LRRC4C: variants seen among roughly 807,000 people sequenced by gnomAD.
LRRC4C encodes leucine-rich repeat-containing protein 4C.
LRRC4C carries 5 observed loss-of-function variants against 33.6 expected under a neutral mutation model. That is an observed-to-expected ratio of 0.15 (90% CI 0.08 to 0.31). The LOEUF (loss-of-function observed/expected upper bound fraction) is 0.31, where lower values mean the gene tolerates loss of function less well. LRRC4C is among the 10% of genes least tolerant of loss of function. The probability of loss-of-function intolerance (pLI) is 1.00; values close to 1 mark genes in which losing one functional copy is unlikely to be tolerated. For missense variants in LRRC4C, 560 were observed against 796.7 expected (o/e 0.70, Z 3.58); for synonymous variants, 329 against 302.0 (o/e 1.09, Z -0.93).
intron 2 of LRRC4C, among the ~76,000 whole-genome samples, chr11:40,753,251 A>C (rs1948786365): frequency 6.6e-6 from 1 of 152,056 alleles, no homozygotes; most frequent in Non-Finnish European, 1.5e-5. Flanking sequence ...GACTACAGTT[A>C]GCAATAATAT....
At chr11:40,441,397 T>G (rs1287703169) in intron 3 of LRRC4C, among the ~76,000 whole-genome samples, 1 of 152,160 alleles carries the variant, frequency 6.6e-6, no homozygotes, top group African/African-American at 2.4e-5. Flanking sequence ...AACAACAGTA[T>G]GATTTCTGGT....
At chr11:40,661,905 C>T (rs562710636) in intron 2 of LRRC4C, among the ~76,000 whole-genome samples, 13 of 152,006 alleles carry the variant, frequency 8.6e-5, no homozygotes, top group South Asian at 4.1e-4. Flanking sequence ...TCAGAACATC[C>T]GCAGAGAGAA....
chr11:41,195,643 A>T (rs965890695), intron 1 of LRRC4C, among the ~76,000 whole-genome samples: 3 of 152,102 alleles, frequency 2.0e-5, no homozygotes, highest in Non-Finnish European at 4.4e-5. Flanking sequence ...TTATATTCCC[A>T]TGAAAGCAGA....
At chr11:40,572,038 C>T (rs1958002176) in intron 3 of LRRC4C, among the ~76,000 whole-genome samples, 1 of 152,124 alleles carries the variant, frequency 6.6e-6, no homozygotes, top group Non-Finnish European at 1.5e-5. Context: ...CCTTATAGTC[C>T]ACCACTCCAT....
chr11:40,163,009 T>A (rs1859286475), intron 5 of LRRC4C, among the ~76,000 whole-genome samples: 1 of 152,154 alleles, frequency 6.6e-6, no homozygotes, highest in Non-Finnish European at 1.5e-5. Context: ...TTTTGTCTCT[T>A]ATCTTCTATT....
At chr11:40,525,447 A>G (rs1322562617) in intron 3 of LRRC4C, among the ~76,000 whole-genome samples, 1 of 152,158 alleles carries the variant, frequency 6.6e-6, no homozygotes, top group Non-Finnish European at 1.5e-5. Context: ...CTTTGTCTCA[A>G]AGAAAAAAGA....
chr11:40,675,951 A>G (rs1591437729), intron 2 of LRRC4C, among the ~76,000 whole-genome samples: 1 of 152,304 alleles, frequency 6.6e-6, no homozygotes, highest in Middle Eastern at 3.4e-3. Context: ...TATAGTAACT[A>G]TGGTCTTAGG....
chr11:41,077,581 A>C (rs1939248429), intron 1 of LRRC4C, among the ~76,000 whole-genome samples: 1 of 152,194 alleles, frequency 6.6e-6, no homozygotes, highest in South Asian at 2.1e-4. Flanking sequence ...GCAAGGCTGC[A>C]CAGAGTGGCA....
At chr11:40,342,675 C>A (rs1266017530) in intron 3 of LRRC4C, among the ~76,000 whole-genome samples, 5 of 152,126 alleles carry the variant, frequency 3.3e-5, no homozygotes, top group Admixed American at 3.3e-4. Flanking sequence ...CTGGCATAAT[C>A]AGTTTTGTAA....
intron 1 of LRRC4C, among the ~76,000 whole-genome samples, chr11:41,087,704 C>T (rs7124591): frequency 0.49 from 73,939 of 151,658 alleles, 19,096 homozygotes; most frequent in South Asian, 0.67. Flanking sequence ...AATTCAAAAG[C>T]TATTTGTGCC....
At chr11:40,263,506 T>C (rs904749147) in intron 4 of LRRC4C, among the ~76,000 whole-genome samples, 1 of 151,782 alleles carries the variant, frequency 6.6e-6, no homozygotes, top group Non-Finnish European at 1.5e-5. Context: ...TCACACAATG[T>C]AGTGGTCCTA....
chr11:41,443,582 C>G (rs1386502348), intron 1 of LRRC4C, among the ~76,000 whole-genome samples: 2 of 151,636 alleles, frequency 1.3e-5, no homozygotes, highest in African/African-American at 4.8e-5. Context: ...TTCTTTCTTT[C>G]TTTTTCTTTT....
chr11:40,365,404 T>A (rs1166617493), intron 3 of LRRC4C, among the ~76,000 whole-genome samples: 1 of 152,080 alleles, frequency 6.6e-6, no homozygotes, highest in African/African-American at 2.4e-5. Flanking sequence ...AGAAGTTGCT[T>A]CTTCATTCTG....
intron 5 of LRRC4C, among the ~76,000 whole-genome samples, chr11:40,177,611 T>C (rs1002958899): frequency 6.6e-6 from 1 of 152,192 alleles, no homozygotes; most frequent in Non-Finnish European, 1.5e-5. Flanking sequence ...TTCTGACCTT[T>C]GCTCAAATGT....
At chr11:40,347,964 C>T (rs553385629) in intron 3 of LRRC4C, among the ~76,000 whole-genome samples, 1 of 152,242 alleles carries the variant, frequency 6.6e-6, no homozygotes, top group East Asian at 1.9e-4. Flanking sequence ...AGTTTCAATA[C>T]TGTTGTCTCT....
intron 1 of LRRC4C, among the ~76,000 whole-genome samples, chr11:41,377,505 C>T (rs1004253587): frequency 2.0e-5 from 3 of 152,216 alleles, no homozygotes; most frequent in South Asian, 2.1e-4. Flanking sequence ...AAAAAAACAA[C>T]GATAACCGAT....
chr11:41,371,178 A>G (rs1421806296), intron 1 of LRRC4C, among the ~76,000 whole-genome samples: 2 of 152,190 alleles, frequency 1.3e-5, no homozygotes, highest in Non-Finnish European at 2.9e-5. Flanking sequence ...TGGGGTAGGG[A>G]TCATATCATA....
chr11:41,331,719 C>T (rs187911600), intron 1 of LRRC4C, among the ~76,000 whole-genome samples: 1 of 152,252 alleles, frequency 6.6e-6, no homozygotes, highest in East Asian at 1.9e-4. Context: ...AGGCACTACA[C>T]AAAGGCACTT....
At chr11:41,304,048 G>GA in intron 1 of LRRC4C, among the ~76,000 whole-genome samples, 1 of 74,634 alleles carries the variant, frequency 1.3e-5, no homozygotes, top group African/African-American at 3.4e-5. Flanking sequence ...AGGGAGGTGG[G>GA]GGGTCAGCCC....
Sources: allele counts gnomAD v4.1 joint callset (sites outside exome capture counted in the v4.1 genomes callset), GRCh38; gene constraint gnomAD v4.1.1; transcripts MANE v1.5; gene names NCBI Gene and HGNC (gene_info 2026-07-23, HGNC 2026-07-21).